ZNF70: variants seen among roughly 807,000 people sequenced by gnomAD.
ZNF70 encodes zinc finger protein N27C7-1.
In ZNF70, 18 loss-of-function variants were observed where a neutral mutation model predicts 37.7. The observed-to-expected ratio is 0.48, with a 90% CI of 0.33 to 0.71. ZNF70 has a LOEUF of 0.71. Ranked by LOEUF, ZNF70 falls within the 30% of genes least tolerant of loss-of-function variation. The pLI is 0.02. For synonymous variants in ZNF70, 219 were observed against 220.1 expected (o/e 0.99, Z 0.05); for missense variants, 506 against 568.6 (o/e 0.89, Z 1.12).
rs553924477 is a variant in ZNF70, at chr22:23,741,312, C to T, written c.*2488G>A. 6.6e-6 allele frequency: 1 copy of T among 152,334 alleles called. No individual in the cohort carries two copies. Among genetic ancestry groups the T allele is most frequent in the African/African-American group, 2.4e-5 (1 of 41,558 alleles). The allele number at this position is 152,334 out of a possible 1,614,324, so 9.4% of individuals were successfully genotyped here. ...ATGCCGCCTGCTGTCCCCACTGCATCCTAGCATTCTCTCTTCACTCTTGAT... is the reference window on the plus strand; with the variant it reads ...ATGCCGCCTGCTGTCCCCACTGCATTCTAGCATTCTCTCTTCACTCTTGAT... On this transcript the variant is annotated 3_prime_UTR_variant, in exon 2 of 2. Coordinates refer to ENST00000341976, the MANE Select transcript of ZNF70 (RefSeq NM_021916.4).
At chr22:23,746,628 C>T (rs900695340) in intron 1 of ZNF70, among the ~76,000 whole-genome samples, 3 of 150,012 alleles carry the variant, frequency 2.0e-5, no homozygotes, top group Non-Finnish European at 3.0e-5. Context: ...GGCTCTTGCC[C>T]GTTGCCCAGG....
At chr22:23,746,379 G>A (rs1017718491) in intron 1 of ZNF70, among the ~76,000 whole-genome samples, 4 of 151,308 alleles carry the variant, frequency 2.6e-5, no homozygotes, top group Non-Finnish European at 5.9e-5. Context: ...GCTAATTTTT[G>A]TATTTTTAGT....
chr22:23,744,090 G>A lies in ZNF70; in HGVS notation c.1051C>T (p.Leu351Phe). 5 of 1,614,172 alleles carry A rather than the reference G, an allele frequency of 3.1e-6. No individual in the cohort carries two copies. Among genetic ancestry groups the A allele is most frequent in the Admixed American group, 3.3e-5 (2 of 60,016 alleles). ...GTGTGGATGCGCTGGTGCTCAATGA[G>A]GGAGGAGCTCTGGCTGAAGGCTTTC... ...CGKAFSQSSS[L>F]IEHQRIHTGE... The change falls in exon 2 of 2, where the codon CTC (leucine) becomes TTC (phenylalanine). Residue 351 changes from leucine (L) to phenylalanine (F), a missense_variant. Coordinates refer to ENST00000341976, the MANE Select transcript of ZNF70 (RefSeq NM_021916.4).
rs748640192 is a variant in ZNF70 at position 23,744,894 on chromosome 22, T to C, written c.247A>G (p.Thr83Ala). ...AAGAGCTCATCATCCTGGGGTCTGG[T>C]TCCTGGGGGGATACTTTGATGCTGA... is the stretch of plus-strand genomic sequence containing the variant. ...PVQHQSIPPGTRPQDDELFGQ... is the reference protein window; with the variant it reads ...PVQHQSIPPGARPQDDELFGQ... Residue 83 changes from threonine to alanine, a missense_variant, in exon 2 of 2, where the codon ACC (threonine) becomes GCC (alanine). Thr to Ala is a moderately conservative substitution (Grantham distance 58). Transcript: ENST00000341976. 6.2e-6 allele frequency: 10 copies of C among 1,614,072 alleles called. No individual in the cohort carries two copies. Among genetic ancestry groups the C allele is most frequent in the African/African-American group, 5.3e-5 (4 of 74,906 alleles).
In ZNF70 at chr22:23,741,704, A is replaced by C. The variant is rs1191563813; in HGVS notation, c.*2096T>G. 1 of 152,300 alleles carries C rather than the reference A, an allele frequency of 6.6e-6. No homozygotes were observed. Among genetic ancestry groups the C allele is most frequent in the Non-Finnish European group, 1.5e-5 (1 of 68,080 alleles). The allele number at this position is 152,300 out of a possible 1,614,324, so 9.4% of individuals were successfully genotyped here. Reference sequence around the variant, plus strand: ...GTTAGCCCAGCCATAAATGTTTAGGAAACTTCAAAACAGCCTAGACTGCCT... The same window carrying C: ...GTTAGCCCAGCCATAAATGTTTAGGCAACTTCAAAACAGCCTAGACTGCCT... On this transcript the variant is annotated 3_prime_UTR_variant, in exon 2 of 2. Transcript: ENST00000341976.
In ZNF70 at chr22:23,740,336, AAAAAG is replaced by A. The variant is rs1924837686; in HGVS notation, c.*3459_*3463del. 2 of 151,968 alleles carry A rather than the reference AAAAAG, an allele frequency of 1.3e-5. No homozygotes were observed. The highest frequency in any genetic ancestry group is 3.9e-4 in the East Asian group (2 of 5,138). 9.4% of individuals were successfully genotyped at this position (151,968 alleles called of 1,614,324 possible). On this transcript the variant is annotated 3_prime_UTR_variant, in exon 2 of 2. Coordinates refer to ENST00000341976, the MANE Select transcript of ZNF70 (RefSeq NM_021916.4). ...AAAAAAGAAAAAAGAAAAAAGAAAAAAAAAGGTAGGACAACAAAAACAAAGAACAA... is the reference window on the plus strand; with the variant it reads ...AAAAAAGAAAAAAGAAAAAAGAAAAAGTAGGACAACAAAAACAAAGAACAA...
At chr22:23,749,386 G>A (rs28448723) in intron 1 of ZNF70, among the ~76,000 whole-genome samples, 1 of 122,244 alleles carries the variant, frequency 8.2e-6, no homozygotes, top group African/African-American at 3.2e-5. Context: ...AAAAAAGCCG[G>A]CCGTGGTGGC....
intron 1 of ZNF70, among the ~76,000 whole-genome samples, chr22:23,749,190 G>A (rs573380128): frequency 6.6e-6 from 1 of 151,474 alleles, no homozygotes; most frequent in African/African-American, 2.4e-5. Context: ...GTGAAACCCC[G>A]TCTCTACTAA....
Position 23,748,333 on chromosome 22 carries a change from C to T in ZNF70, c.-80+2378G>A, listed in dbSNP as rs535771844. Among the ~76,000 whole-genome samples, 258 of 152,184 alleles carry T rather than the reference C, an allele frequency of 1.7e-3. 1 individual carries two copies. Among genetic ancestry groups the T allele is most frequent in the African/African-American group, 5.4e-3 (225 of 41,526 alleles). On this transcript the variant is annotated intron_variant, in intron 1 of 1. Transcript: ENST00000341976. ...CAGCTCACTGCAGCCTTGACCTCCC[C>T]GGCTCAACTGATCCTCCAACCTCAG...
rs202233237 is a variant in ZNF70 at position 23,744,714 on chromosome 22, G to C, written c.427C>G (p.Arg143Gly). The C allele has an allele frequency of 2.5e-6, 4 of 1,614,216 alleles. No individual in the cohort carries two copies. The highest frequency in any genetic ancestry group is 3.4e-6 in the Non-Finnish European group (4 of 1,180,046). ...TGGCTGAAGGCCTTCCCACACTCTC[G>C]ACACGCATAGGGCTTGGCTGGTTGT... ...TPQPAKPYAC[R>G]ECGKAFSQSS... Residue 143 changes from arginine (R) to glycine (G), a missense_variant, in exon 2 of 2, where the codon CGA (arginine) becomes GGA (glycine). Physicochemically the swap from Arg to Gly is moderately radical, Grantham distance 125. Coordinates refer to ENST00000341976, the MANE Select transcript of ZNF70 (RefSeq NM_021916.4).
At position 23,744,131 on chromosome 22, in the gene ZNF70, T is replaced by C. The variant is rs1924993847; in HGVS notation, c.1010A>G (p.Lys337Arg). Reference protein sequence around the residue: ...RKTHTGEKPYKCQKCGKAFSQ... With the variant: ...RKTHTGEKPYRCQKCGKAFSQ... Reference sequence around the variant, plus strand: ...GAAGGCTTTCCCACACTTCTGGCATTTGTAGGGCTTCTCGCCAGTGTGGGT... The same window carrying C: ...GAAGGCTTTCCCACACTTCTGGCATCTGTAGGGCTTCTCGCCAGTGTGGGT... The change falls in exon 2 of 2, where the codon AAA becomes AGA. Residue 337 changes from lysine to arginine, a missense_variant. Lys to Arg is a conservative substitution (Grantham distance 26). Coordinates refer to ENST00000341976, the MANE Select transcript of ZNF70 (RefSeq NM_021916.4). 1 of 1,613,544 alleles carries C rather than the reference T, an allele frequency of 6.2e-7. No individual in the cohort carries two copies. Among genetic ancestry groups the C allele is most frequent in the South Asian group, 1.1e-5 (1 of 91,036 alleles).
intron 1 of ZNF70, among the ~76,000 whole-genome samples, chr22:23,745,642 G>T (rs1925095922): frequency 6.6e-6 from 1 of 152,078 alleles, no homozygotes; most frequent in Non-Finnish European, 1.5e-5. Flanking sequence ...GTGGTGGTGG[G>T]TGCCTGTAAT....
rs983283563 is a variant in ZNF70 at position 23,740,009 on chromosome 22, GAGA to G, written c.*3788_*3790del. On this transcript the variant is annotated 3_prime_UTR_variant, in exon 2 of 2. Coordinates refer to ENST00000341976, the MANE Select transcript of ZNF70 (RefSeq NM_021916.4). ...GTGCAGACAAAGCTGTCACTCTAAG[GAGA>G]AGAAGAAATAAAAAAATGCCGAGCG... The G allele has an allele frequency of 4.6e-5, 7 of 151,556 alleles. No individual in the cohort carries two copies. Among genetic ancestry groups the G allele is most frequent in the East Asian group, 2.0e-4 (1 of 5,104 alleles). 9.4% of individuals were successfully genotyped at this position (151,556 alleles called of 1,614,324 possible).
chr22:23,741,497 G>A lies in ZNF70; in HGVS notation c.*2303C>T, dbSNP rs933705978. The A allele has an allele frequency of 6.6e-6, 1 of 152,208 alleles. No homozygotes were observed. Among genetic ancestry groups the A allele is most frequent in the East Asian group, 1.9e-4 (1 of 5,196 alleles). 9.4% of individuals were successfully genotyped at this position (152,208 alleles called of 1,614,324 possible). A position where few individuals can be genotyped will look rare whatever the true frequency, so the allele number is the denominator to read the frequency against. On this transcript the variant is annotated 3_prime_UTR_variant, in exon 2 of 2. Coordinates refer to ENST00000341976, the MANE Select transcript of ZNF70 (RefSeq NM_021916.4). ...AAAGACAGGGGCTGGACAGAGGCAT[G>A]GCTGGAACTCCCACCATGACCTCTC...
rs1157359015 is a variant in ZNF70 at position 23,741,679 on chromosome 22, G to A, written c.*2121C>T. On this transcript the variant is annotated 3_prime_UTR_variant, in exon 2 of 2. Transcript: ENST00000341976. ...CCCAGTGTTACCATGATGAGTTCAT[G>A]TTAGCCCAGCCATAAATGTTTAGGA... 1 of 152,236 alleles carries A rather than the reference G, an allele frequency of 6.6e-6. No homozygotes were observed. Among genetic ancestry groups the A allele is most frequent in the Non-Finnish European group, 1.5e-5 (1 of 68,060 alleles). 9.4% of individuals were successfully genotyped at this position (152,236 alleles called of 1,614,324 possible).
In ZNF70 at chr22:23,742,752, G is replaced by A. The variant is rs1042041883; in HGVS notation, c.*1048C>T. 6.6e-6 allele frequency: 1 copy of A among 152,258 alleles called. No homozygotes were observed. The highest frequency in any genetic ancestry group is 2.4e-5 in the African/African-American group (1 of 41,458). The allele number at this position is 152,258 out of a possible 1,614,324, so 9.4% of individuals were successfully genotyped here. A position where few individuals can be genotyped will look rare whatever the true frequency, so the allele number is the denominator to read the frequency against. On this transcript the variant is annotated 3_prime_UTR_variant, in exon 2 of 2. Coordinates refer to ENST00000341976, the MANE Select transcript of ZNF70 (RefSeq NM_021916.4). ...TGACAGCCTGGCACCAACCCTTAGA[G>A]GCACGTGGCCAGTTCCCATTACCCC...
chr22:23,739,901 T>C lies in ZNF70; in HGVS notation c.*3899A>G, dbSNP rs553844262. 1 of 151,688 alleles carries C rather than the reference T, an allele frequency of 6.6e-6. No homozygotes were observed. Among genetic ancestry groups the C allele is most frequent in the East Asian group, 2.0e-4 (1 of 5,118 alleles). 9.4% of individuals were successfully genotyped at this position (151,688 alleles called of 1,614,324 possible). A position where few individuals can be genotyped will look rare whatever the true frequency, so the allele number is the denominator to read the frequency against. ...TGTGAGTCACCATGCCCGGCCCACT[T>C]AGAAATATTTTTAAATAATAACATT... On this transcript the variant is annotated 3_prime_UTR_variant, in exon 2 of 2. Coordinates refer to ENST00000341976, the MANE Select transcript of ZNF70 (RefSeq NM_021916.4).
chr22:23,743,958 C>T lies in ZNF70; in HGVS notation c.1183G>A (p.Glu395Lys), dbSNP rs368119563. Residue 395 changes from glutamate to lysine, a missense_variant, in exon 2 of 2, where the codon GAG becomes AAG. By Grantham distance (56) the Glu-to-Lys change is moderately conservative. Coordinates refer to ENST00000341976, the MANE Select transcript of ZNF70 (RefSeq NM_021916.4). ...IHTGKKPYTC[E>K]CGKAFRHRSA... Reference sequence around the variant, plus strand: ...CGGTGCCGGAAGGCTTTGCCACACTCGCAGGTGTAGGGCTTCTTGCCGGTG... The same window carrying T: ...CGGTGCCGGAAGGCTTTGCCACACTTGCAGGTGTAGGGCTTCTTGCCGGTG... 1.9e-6 allele frequency: 3 copies of T among 1,614,084 alleles called. No individual in the cohort carries two copies. The highest frequency in any genetic ancestry group is 2.5e-6 in the Non-Finnish European group (3 of 1,179,974).
Position 23,740,953 on chromosome 22 carries a change from T to G in ZNF70, c.*2847A>C, listed in dbSNP as rs142384903. ...GAGAGGGAGGGAGAGGAGGAGAAAG[T>G]GCACATTTCAAAATGCAAGAACAGC... On this transcript the variant is annotated 3_prime_UTR_variant, in exon 2 of 2. Transcript: ENST00000341976. 2 of 152,058 alleles carry G rather than the reference T, an allele frequency of 1.3e-5. No homozygotes were observed. Among genetic ancestry groups the G allele is most frequent in the African/African-American group, 4.8e-5 (2 of 41,436 alleles). 9.4% of individuals were successfully genotyped at this position (152,058 alleles called of 1,614,324 possible). A position where few individuals can be genotyped will look rare whatever the true frequency, so the allele number is the denominator to read the frequency against.
Sources: gnomAD v4.1 joint callset for allele counts (sites outside exome capture counted in the v4.1 genomes callset) on GRCh38, gnomAD v4.1.1 for gene constraint, MANE v1.5 for transcripts, NCBI Gene and HGNC (gene_info 2026-07-23, HGNC 2026-07-21) for gene names.